KHDRBS2: variants seen among roughly 807,000 people sequenced by gnomAD.
KHDRBS2 encodes the protein KH RNA binding domain containing, signal transduction associated 2, also known as KH domain-containing, RNA-binding, signal transduction-associated protein 2.
Under a neutral mutation model 44.3 loss-of-function variants are expected in KHDRBS2, and 26 were observed. That is an observed-to-expected ratio of 0.59 (90% CI 0.43 to 0.81). KHDRBS2 has a LOEUF of 0.81. Ranked by LOEUF, KHDRBS2 falls within the 40% of genes least tolerant of loss-of-function variation. KHDRBS2 has a pLI of 0.00. For synonymous variants in KHDRBS2, 194 were observed against 151.1 expected (o/e 1.28, Z -2.08); for missense variants, 476 against 433.1 (o/e 1.10, Z -0.88).
intron 4 of KHDRBS2, among the ~76,000 whole-genome samples, chr6:61,949,369 G>A (rs1414236558): frequency 6.6e-6 from 1 of 151,994 alleles, no homozygotes; most frequent in Non-Finnish European, 1.5e-5. Context: ...ATTACATGTT[G>A]CATGCTTTTT....
intron 1 of KHDRBS2, among the ~76,000 whole-genome samples, chr6:62,212,151 A>G (rs955194355): frequency 6.6e-6 from 1 of 152,166 alleles, no homozygotes; most frequent in Non-Finnish European, 1.5e-5. Flanking sequence ...GATTTGCTCT[A>G]GAGAAAGGCT....
intron 4 of KHDRBS2, among the ~76,000 whole-genome samples, chr6:61,954,813 C>A (rs62644459): frequency 2.1e-5 from 1 of 46,770 alleles, no homozygotes; most frequent in Non-Finnish European, 4.0e-5. Flanking sequence ...TATACATACG[C>A]ATGTGTATAT....
At chr6:62,092,722 A>G (rs1218384094) in intron 2 of KHDRBS2, among the ~76,000 whole-genome samples, 1 of 152,170 alleles carries the variant, frequency 6.6e-6, no homozygotes, top group African/African-American at 2.4e-5. Flanking sequence ...ATTTACAGGC[A>G]AAGTGTAAAA....
chr6:61,678,452 T>A (rs1582121777), downstream of KHDRBS2, among the ~76,000 whole-genome samples: 1 of 152,024 alleles, frequency 6.6e-6, no homozygotes, highest in African/African-American at 2.4e-5. Context: ...TTAGTTATTT[T>A]ATTTTATTCT....
the KHDRBS2 span, among the ~76,000 whole-genome samples, chr6:61,588,282 A>G: frequency 6.6e-6 from 1 of 152,180 alleles, no homozygotes; most frequent in East Asian, 1.9e-4. Flanking sequence ...CAGTAAGATA[A>G]AGAGGACATT....
intron 4 of KHDRBS2, among the ~76,000 whole-genome samples, chr6:61,904,219 A>G (rs1443028797): frequency 6.6e-6 from 1 of 152,096 alleles, no homozygotes; most frequent in African/African-American, 2.4e-5. Flanking sequence ...TCCGAATGTC[A>G]TATCTGGTGT....
At chr6:62,079,454 T>C (rs893720868) in intron 2 of KHDRBS2, among the ~76,000 whole-genome samples, 7 of 152,030 alleles carry the variant, frequency 4.6e-5, no homozygotes, top group Admixed American at 1.3e-4. Flanking sequence ...AAATATATTT[T>C]ACATTTGTCA....
Position 62,107,724 on chromosome 6 carries a change from T to C in KHDRBS2, c.220-59730A>G, listed in dbSNP as rs1437575343. ...CAAGGCTACAATAACCAAAACAGCATGGTACTGGTACCAAAACAGAGATAT... is the reference window on the plus strand; with the variant it reads ...CAAGGCTACAATAACCAAAACAGCACGGTACTGGTACCAAAACAGAGATAT... On this transcript the variant is annotated intron_variant, in intron 2 of 8. Coordinates refer to ENST00000281156, the MANE Select transcript of KHDRBS2 (RefSeq NM_152688.4). Among the ~76,000 whole-genome samples, 12 of 152,292 alleles carry C rather than the reference T, an allele frequency of 7.9e-5. No individual in the cohort carries two copies. The South Asian group carries it at 2.3e-3, about 29-fold the overall frequency.
intron 1 of KHDRBS2, among the ~76,000 whole-genome samples, chr6:62,194,651 G>T (rs761230644): frequency 6.6e-6 from 1 of 150,594 alleles, no homozygotes; most frequent in Non-Finnish European, 1.5e-5. Flanking sequence ...AGTTGCGCCC[G>T]CCACCACACC....
intron 5 of KHDRBS2, among the ~76,000 whole-genome samples, chr6:61,897,588 A>C (rs1457160528): frequency 6.6e-6 from 1 of 151,994 alleles, no homozygotes; most frequent in Non-Finnish European, 1.5e-5. Flanking sequence ...AATTCATATA[A>C]ATGTTAATCT....
chr6:61,613,806 T>TG, the KHDRBS2 span, among the ~76,000 whole-genome samples: 126,010 of 152,028 alleles, frequency 0.83, 52,452 homozygotes, highest in Non-Finnish European at 0.87. Flanking sequence ...TACAGCAATC[T>TG]TAGTATAAAT....
At chr6:61,893,320 C>T (rs1802327296) in intron 6 of KHDRBS2, among the ~76,000 whole-genome samples, 1 of 152,292 alleles carries the variant, frequency 6.6e-6, no homozygotes, top group South Asian at 2.1e-4. Context: ...ACTAGTTCAA[C>T]CATTGTGGAA....
At chr6:61,770,414 C>T (rs9345165) in intron 6 of KHDRBS2, among the ~76,000 whole-genome samples, 53,727 of 151,724 alleles carry the variant, frequency 0.35, 10,308 homozygotes, top group East Asian at 0.47. Context: ...TTCAAACCAA[C>T]GGCAAAGAAG....
the KHDRBS2 span, among the ~76,000 whole-genome samples, chr6:61,666,571 C>A: frequency 2.6e-5 from 4 of 151,176 alleles, no homozygotes; most frequent in African/African-American, 7.3e-5. Context: ...TACACCAGAC[C>A]CTGAAGTGTA....
the KHDRBS2 span, among the ~76,000 whole-genome samples, chr6:61,572,958 G>T: frequency 1.3e-5 from 2 of 152,138 alleles, no homozygotes; most frequent in African/African-American, 4.8e-5. Context: ...AGTACTGGAA[G>T]TCCTAGCCAG....
intron 6 of KHDRBS2, among the ~76,000 whole-genome samples, chr6:61,817,408 A>G (rs951383002): frequency 1.3e-5 from 2 of 152,066 alleles, no homozygotes. Context: ...GAAGAATGGC[A>G]ATTATAGAAA....
At chr6:61,869,676 T>C (rs552916183) in intron 6 of KHDRBS2, among the ~76,000 whole-genome samples, 1 of 152,160 alleles carries the variant, frequency 6.6e-6, no homozygotes, top group Admixed American at 6.5e-5. Flanking sequence ...TTCATCTCAT[T>C]GGGCTAGACA....
the KHDRBS2 span, among the ~76,000 whole-genome samples, chr6:61,567,460 C>T: frequency 6.6e-6 from 1 of 151,992 alleles, no homozygotes; most frequent in African/African-American, 2.4e-5. Context: ...AAGGCAAGAC[C>T]CTGTCTCTAC....
At chr6:61,620,372 A>C in the KHDRBS2 span, among the ~76,000 whole-genome samples, 2 of 152,324 alleles carry the variant, frequency 1.3e-5, no homozygotes, top group Non-Finnish European at 2.9e-5. Flanking sequence ...TACTTAAAAC[A>C]GTATCTATTC....
Sources: gnomAD v4.1 joint callset for allele counts (sites outside exome capture counted in the v4.1 genomes callset) on GRCh38, gnomAD v4.1.1 for gene constraint, MANE v1.5 for transcripts, NCBI Gene and HGNC (gene_info 2026-07-23, HGNC 2026-07-21) for gene names.